ANKS1B: variants seen among roughly 807,000 people sequenced by gnomAD.
ANKS1B encodes ankyrin repeat and sterile alpha motif domain containing 1B.
Under a neutral mutation model 148.3 loss-of-function variants are expected in ANKS1B, and 36 were observed. The observed-to-expected ratio is 0.24, with a 90% CI of 0.19 to 0.32. The LOEUF (loss-of-function observed/expected upper bound fraction) is 0.32, where lower values mean the gene tolerates loss of function less well. Among genes scored for constraint, ANKS1B ranks in the 10% least tolerant of loss-of-function variants. The pLI is 1.00. For missense variants in ANKS1B, 1,157 were observed against 1,542.6 expected (o/e 0.75, Z 4.19); for synonymous variants, 542 against 560.8 (o/e 0.97, Z 0.47).
intron 9 of ANKS1B, among the ~76,000 whole-genome samples, chr12:99,578,825 T>C (rs568057969): frequency 6.6e-6 from 1 of 152,144 alleles, no homozygotes; most frequent in South Asian, 2.1e-4. Context: ...CAACATCATT[T>C]TTCACAAAAT....
chr12:99,486,750 C>A (rs2096495101), intron 10 of ANKS1B, among the ~76,000 whole-genome samples: 1 of 152,196 alleles, frequency 6.6e-6, no homozygotes, highest in Non-Finnish European at 1.5e-5. Context: ...ACCTCTCAGA[C>A]ACACTCCTGT....
At chr12:99,088,038 TAGG>T (rs760676985) in intron 15 of ANKS1B, among the ~76,000 whole-genome samples, 1 of 152,190 alleles carries the variant, frequency 6.6e-6, no homozygotes, top group Non-Finnish European at 1.5e-5. Flanking sequence ...TCCTAGCATA[TAGG>T]ATAATTGCCA....
At position 98,744,556 on chromosome 12, in the gene ANKS1B, C is replaced by A. The variant is rs947378733; in HGVS notation, c.*1183G>T. On this transcript the variant is annotated 3_prime_UTR_variant, in exon 27 of 27. Transcript: ENST00000683438. ...TACATTATGGTATCATACAAATACT[C>A]CACAGAGACATTAAAAAATTAAAAT... 1 of 625,402 alleles carries A rather than the reference C, an allele frequency of 1.6e-6. No homozygotes were observed. The highest frequency in any genetic ancestry group is 2.0e-6 in the Non-Finnish European group (1 of 501,568). The allele number at this position is 625,402 out of a possible 1,614,324, so 38.7% of individuals were successfully genotyped here. A position where few individuals can be genotyped will look rare whatever the true frequency, so the allele number is the denominator to read the frequency against.
intron 17 of ANKS1B, among the ~76,000 whole-genome samples, chr12:98,914,925 T>G (rs534863745): frequency 1.8e-4 from 27 of 152,326 alleles, no homozygotes; most frequent in African/African-American, 6.5e-4. Context: ...TAATATCCTA[T>G]ATATTTTACT....
At chr12:99,639,439 A>G (rs2098278927) in intron 9 of ANKS1B, among the ~76,000 whole-genome samples, 1 of 152,176 alleles carries the variant, frequency 6.6e-6, no homozygotes, top group South Asian at 2.1e-4. Context: ...ACTGCTGGAA[A>G]GGCATAATTG....
intron 17 of ANKS1B, chr12:98,894,922 G>GC (rs1263785798): frequency 3.3e-6 from 3 of 916,736 alleles, no homozygotes; most frequent in African/African-American, 1.8e-5. Context: ...CGCGGCGCGT[G>GC]CCCCCCACCC....
At chr12:99,496,609 T>C (rs2096606928) in intron 10 of ANKS1B, among the ~76,000 whole-genome samples, 1 of 152,220 alleles carries the variant, frequency 6.6e-6, no homozygotes, top group South Asian at 2.1e-4. Context: ...GAGGCATTAG[T>C]AAAATGCTCC....
At position 99,579,424 on chromosome 12, in the gene ANKS1B, T is replaced by A. The variant is rs570172489; in HGVS notation, c.1273-74783A>T. Among the ~76,000 whole-genome samples, 6 of 152,186 alleles carry A rather than the reference T, an allele frequency of 3.9e-5. 1 individual carries two copies. The South Asian group carries it at 1.2e-3, about 32-fold the overall frequency. On this transcript the variant is annotated intron_variant, in intron 9 of 26. Transcript: ENST00000683438. ...CAGAGTACACAGACAATCTACAGAA[T>A]GGGAGAAAATATTTGCAAACTATGC...
intron 15 of ANKS1B, among the ~76,000 whole-genome samples, chr12:99,133,301 C>T (rs1248288916): frequency 1.3e-5 from 2 of 152,154 alleles, no homozygotes; most frequent in African/African-American, 4.8e-5. Flanking sequence ...GATCCACCTG[C>T]CTCGGCCTCC....
chr12:99,703,092 C>A (rs1335655298), intron 8 of ANKS1B, among the ~76,000 whole-genome samples: 1 of 152,092 alleles, frequency 6.6e-6, no homozygotes, highest in East Asian at 1.9e-4. Flanking sequence ...CATCAAACAT[C>A]TAAGTTTTAT....
intron 10 of ANKS1B, among the ~76,000 whole-genome samples, chr12:99,461,881 C>T (rs997174174): frequency 2.0e-5 from 3 of 152,174 alleles, no homozygotes. Flanking sequence ...TCTAGTAACT[C>T]ATTCTGTGGA....
At chr12:99,679,959 T>C (rs890649972) in intron 8 of ANKS1B, among the ~76,000 whole-genome samples, 2 of 152,148 alleles carry the variant, frequency 1.3e-5, no homozygotes, top group Non-Finnish European at 2.9e-5. Context: ...ACAGATCCTT[T>C]GAAAGAAGCA....
At chr12:99,366,629 G>A (rs1172394176) in intron 12 of ANKS1B, among the ~76,000 whole-genome samples, 1 of 152,034 alleles carries the variant, frequency 6.6e-6, no homozygotes, top group African/African-American at 2.4e-5. Flanking sequence ...AGTGATATTG[G>A]TTCAGCTTGA....
chr12:99,541,558 G>A (rs376187975), intron 9 of ANKS1B, among the ~76,000 whole-genome samples: 3 of 152,194 alleles, frequency 2.0e-5, no homozygotes, highest in South Asian at 2.1e-4. Context: ...GAGTGCATTT[G>A]ACAAAATGTA....
At chr12:99,551,589 A>T (rs2097219620) in intron 9 of ANKS1B, among the ~76,000 whole-genome samples, 1 of 151,276 alleles carries the variant, frequency 6.6e-6, no homozygotes, top group Non-Finnish European at 1.5e-5. Flanking sequence ...AATACTCTGG[A>T]GCACACAGGT....
chr12:98,909,957 C>G (rs1314828567), intron 17 of ANKS1B, among the ~76,000 whole-genome samples: 2 of 152,198 alleles, frequency 1.3e-5, no homozygotes, highest in Non-Finnish European at 2.9e-5. Flanking sequence ...CTGCCAGCAG[C>G]CAATGGGCTT....
At chr12:99,742,544 C>T (rs1301460645) in intron 8 of ANKS1B, among the ~76,000 whole-genome samples, 1 of 151,958 alleles carries the variant, frequency 6.6e-6, no homozygotes, top group Non-Finnish European at 1.5e-5. Context: ...AAAATGCACA[C>T]TAGAATTTGG....
intron 14 of ANKS1B, among the ~76,000 whole-genome samples, chr12:99,234,558 T>C (rs1203648691): frequency 6.6e-6 from 1 of 152,172 alleles, no homozygotes; most frequent in African/African-American, 2.4e-5. Flanking sequence ...GCAAACACAA[T>C]GTCTGCATCA....
At chr12:99,331,657 G>A (rs1172849351) in intron 12 of ANKS1B, among the ~76,000 whole-genome samples, 3 of 151,956 alleles carry the variant, frequency 2.0e-5, no homozygotes, top group African/African-American at 4.8e-5. Flanking sequence ...AATGTGGTTC[G>A]TTCACTGAGA....
Sources: gnomAD v4.1 joint callset for allele counts (sites outside exome capture counted in the v4.1 genomes callset) on GRCh38, gnomAD v4.1.1 for gene constraint, MANE v1.5 for transcripts, NCBI Gene and HGNC (gene_info 2026-07-23, HGNC 2026-07-21) for gene names.